The following SLC24A2 variants were observed in gnomAD, a reference collection of about 807,000 sequenced individuals.
SLC24A2 encodes the protein solute carrier family 24 member 2.
Under a neutral mutation model 62.0 loss-of-function variants are expected in SLC24A2, and 36 were observed. That is an observed-to-expected ratio of 0.58 (90% CI 0.44 to 0.77). The LOEUF (loss-of-function observed/expected upper bound fraction) is 0.77. Among genes scored for constraint, SLC24A2 ranks in the 30% least tolerant of loss-of-function variants. The probability of loss-of-function intolerance (pLI) is 0.00; values close to 1 mark genes in which losing one functional copy is unlikely to be tolerated. For synonymous variants in SLC24A2, 358 were observed against 294.0 expected, an observed-to-expected ratio of 1.22 and a Z score of -2.23; for missense variants, 846 against 817.9, an observed-to-expected ratio of 1.03 and a Z score of -0.42.
chr9:20,289,582 T>C, the SLC24A2 span, among the ~76,000 whole-genome samples: 1 of 152,214 alleles, frequency 6.6e-6, no homozygotes, highest in Non-Finnish European at 1.5e-5. Flanking sequence ...GTGGAATTTT[T>C]ATTCAATGTT....
the SLC24A2 span, among the ~76,000 whole-genome samples, chr9:20,169,300 G>T: frequency 6.6e-6 from 1 of 151,968 alleles, no homozygotes; most frequent in Non-Finnish European, 1.5e-5. Context: ...GTACTAGATT[G>T]CAGCTCCCAC....
intron 2 of SLC24A2, among the ~76,000 whole-genome samples, chr9:19,785,303 G>T (rs1180662820): frequency 6.6e-6 from 1 of 152,140 alleles, no homozygotes; most frequent in East Asian, 1.9e-4. Context: ...GTGCAAAGTG[G>T]GTCATTGTGA....
chr9:19,682,982 G>C (rs1337280230), intron 2 of SLC24A2, among the ~76,000 whole-genome samples: 1 of 152,076 alleles, frequency 6.6e-6, no homozygotes, highest in African/African-American at 2.4e-5. Context: ...AAAAGGTTTA[G>C]AGTAAAAAAT....
the SLC24A2 span, among the ~76,000 whole-genome samples, chr9:19,964,686 C>T: frequency 6.6e-6 from 1 of 152,156 alleles, no homozygotes; most frequent in Non-Finnish European, 1.5e-5. Context: ...AAGGGAGATT[C>T]CCACCCAAGG....
At chr9:20,087,754 G>A in the SLC24A2 span, among the ~76,000 whole-genome samples, 1 of 152,230 alleles carries the variant, frequency 6.6e-6, no homozygotes, top group African/African-American at 2.4e-5. Context: ...AATGGAAGGA[G>A]TGAGTAAGTA....
the SLC24A2 span, among the ~76,000 whole-genome samples, chr9:19,856,775 G>C: frequency 1.3e-5 from 2 of 152,170 alleles, no homozygotes; most frequent in Non-Finnish European, 2.9e-5. Context: ...TAAGGCACTG[G>C]ATCCAGGATC....
At chr9:20,069,279 C>CT in the SLC24A2 span, among the ~76,000 whole-genome samples, 5 of 152,288 alleles carry the variant, frequency 3.3e-5, no homozygotes, top group South Asian at 6.2e-4. Flanking sequence ...ACATTTTTAT[C>CT]AAATGTAAAT....
At chr9:19,688,202 G>A (rs1448348074) in intron 2 of SLC24A2, among the ~76,000 whole-genome samples, 2 of 152,076 alleles carry the variant, frequency 1.3e-5, no homozygotes, top group African/African-American at 4.8e-5. Context: ...AATACCCTGC[G>A]AAAAGAGCCC....
chr9:19,908,054 T>G, the SLC24A2 span, among the ~76,000 whole-genome samples: 1 of 152,174 alleles, frequency 6.6e-6, no homozygotes, highest in East Asian at 1.9e-4. Flanking sequence ...AGAACAAAGC[T>G]GGAGGCATCA....
chr9:19,685,550 T>C (rs2118424376), intron 2 of SLC24A2, among the ~76,000 whole-genome samples: 1 of 152,080 alleles, frequency 6.6e-6, no homozygotes, highest in Non-Finnish European at 1.5e-5. Context: ...ATGGTACTGA[T>C]ACAAAAACAC....
At chr9:19,903,614 G>A in the SLC24A2 span, among the ~76,000 whole-genome samples, 79 of 152,280 alleles carry the variant, frequency 5.2e-4, 1 homozygote, top group African/African-American at 1.8e-3. Flanking sequence ...GAGCTAGCAG[G>A]AAGCACTTTA....
chr9:20,106,435 T>A, the SLC24A2 span, among the ~76,000 whole-genome samples: 4 of 152,220 alleles, frequency 2.6e-5, no homozygotes, highest in African/African-American at 9.6e-5. Flanking sequence ...TGAACGTTGA[T>A]GCAAAAATCC....
the SLC24A2 span, among the ~76,000 whole-genome samples, chr9:20,166,649 G>T: frequency 6.6e-6 from 1 of 152,042 alleles, no homozygotes; most frequent in Non-Finnish European, 1.5e-5. Flanking sequence ...CCAGAAAATA[G>T]TACAATTGGT....
the SLC24A2 span, among the ~76,000 whole-genome samples, chr9:20,187,309 A>G: frequency 6.6e-6 from 1 of 152,204 alleles, no homozygotes; most frequent in African/African-American, 2.4e-5. Context: ...TTAATTACCC[A>G]GTAATTTGCC....
chr9:20,116,716 G>C, the SLC24A2 span, among the ~76,000 whole-genome samples: 1 of 152,150 alleles, frequency 6.6e-6, no homozygotes, highest in Non-Finnish European at 1.5e-5. Context: ...GTATAAATGA[G>C]AGAATGGATG....
the SLC24A2 span, among the ~76,000 whole-genome samples, chr9:20,078,011 G>C: frequency 6.6e-6 from 1 of 152,124 alleles, no homozygotes; most frequent in Non-Finnish European, 1.5e-5. Context: ...GGTGAGGAGG[G>C]GCACAGGGTG....
chr9:20,219,719 A>G, the SLC24A2 span, among the ~76,000 whole-genome samples: 3 of 152,284 alleles, frequency 2.0e-5, no homozygotes, highest in African/African-American at 4.8e-5. Context: ...ACGGTAGCAC[A>G]TTTGGCAGGG....
At chr9:19,892,919 C>T in the SLC24A2 span, among the ~76,000 whole-genome samples, 2 of 152,168 alleles carry the variant, frequency 1.3e-5, no homozygotes, top group South Asian at 4.2e-4. Context: ...AACAGGCTGC[C>T]CAAGTCCCCT....
chr9:19,882,719 A>G, the SLC24A2 span, among the ~76,000 whole-genome samples: 1 of 152,100 alleles, frequency 6.6e-6, no homozygotes, highest in Non-Finnish European at 1.5e-5. Flanking sequence ...TTTACTGGGC[A>G]AACACTTTCT....
Sources: allele counts gnomAD v4.1 joint callset (sites outside exome capture counted in the v4.1 genomes callset), GRCh38; gene constraint gnomAD v4.1.1; transcripts MANE v1.5; gene names NCBI Gene and HGNC (gene_info 2026-07-23, HGNC 2026-07-21).